LARP1B: variants seen among roughly 807,000 people sequenced by gnomAD.
LARP1B encodes la-related protein 1B.
In LARP1B, 76 loss-of-function variants were observed where a neutral mutation model predicts 114.2. That is an observed-to-expected ratio of 0.67 (90% CI 0.55 to 0.81). The LOEUF (loss-of-function observed/expected upper bound fraction) is 0.81, where lower values mean the gene tolerates loss of function less well. LARP1B is among the 30% of genes least tolerant of loss of function. LARP1B has a pLI of 0.00. For synonymous variants in LARP1B, 345 were observed against 348.0 expected (o/e 0.99, Z 0.10); for missense variants, 1,014 against 1,075.8 (o/e 0.94, Z 0.80).
At position 128,061,857 on chromosome 4, in the gene LARP1B, C is replaced by T. The variant is rs1394756463; in HGVS notation, c.-78+456C>T. 4.1e-6 allele frequency: 4 copies of T among 985,068 alleles called. No individual in the cohort carries two copies. In the East Asian group the frequency reaches 4.5e-4, roughly 112 times the overall value. The allele number at this position is 985,068 out of a possible 1,614,324, so 61.0% of individuals were successfully genotyped here. A position where few individuals can be genotyped will look rare whatever the true frequency, so the allele number is the denominator to read the frequency against. On this transcript the variant is annotated intron_variant, in intron 1 of 19. Coordinates refer to ENST00000326639, the MANE Select transcript of LARP1B (RefSeq NM_018078.4). ...GCGGCGAGGGAGGAGAGGGCCGCGG[C>T]CGCCACTAGCGCTGGGGCGCGGGGA...
chr4:128,118,904 T>C (rs1344232269), intron 10 of LARP1B, among the ~76,000 whole-genome samples: 3 of 151,014 alleles, frequency 2.0e-5, no homozygotes, highest in African/African-American at 7.3e-5. Flanking sequence ...TGAGACAGAG[T>C]TTCGCTCTTG....
In LARP1B at chr4:128,107,148, G is replaced by C. The variant is rs1561239982; in HGVS notation, c.823G>C (p.Asp275His). 1 of 1,613,662 alleles carries C rather than the reference G, an allele frequency of 6.2e-7. No individual in the cohort carries two copies. The highest frequency in any genetic ancestry group is 8.5e-7 in the Non-Finnish European group (1 of 1,179,644). Residue 275 changes from aspartate (D) to histidine (H), a missense_variant, in exon 9 of 20, where the codon GAT becomes CAT. Transcript: ENST00000326639. Reference sequence around the variant, plus strand: ...CAATTTCTGTTAATAGGCACTGAAGGATAGCACAGAAGTAGAAATTGTGGA... The same window carrying C: ...CAATTTCTGTTAATAGGCACTGAAGCATAGCACAGAAGTAGAAATTGTGGA... ...NLNLILEALK[D>H]STEVEIVDEK...
At chr4:128,078,024 A>G (rs1328610588) in intron 4 of LARP1B, 62 bp downstream of exon 4, 3 of 1,139,034 alleles carry the variant, frequency 2.6e-6, no homozygotes, top group Non-Finnish European at 3.7e-6. Flanking sequence ...ATGAGGAATT[A>G]CATTTCATTA....
At chr4:128,119,803 A>G (rs1037127911) in intron 10 of LARP1B, among the ~76,000 whole-genome samples, 1 of 152,148 alleles carries the variant, frequency 6.6e-6, no homozygotes, top group Non-Finnish European at 1.5e-5. Context: ...TGATAGTAAT[A>G]CTTGTTTTCA....
chr4:128,182,526 AT>A (rs1355016369), intron 15 of LARP1B, among the ~76,000 whole-genome samples: 4 of 152,112 alleles, frequency 2.6e-5, no homozygotes, highest in Admixed American at 2.0e-4. Context: ...TAAATATTGT[AT>A]GTTTTCTGGC....
At chr4:128,098,135 ATATT>A (rs760286936) in intron 7 of LARP1B, 47 bp from the exon 8 acceptor site, 2 of 1,403,468 alleles carry the variant, frequency 1.4e-6, no homozygotes, top group Non-Finnish European at 2.0e-6. Flanking sequence ...AGCAATAGAA[ATATT>A]TATTTCCTAC....
chr4:128,065,838 T>C (rs1045993460), intron 1 of LARP1B, among the ~76,000 whole-genome samples: 2 of 152,086 alleles, frequency 1.3e-5, no homozygotes, highest in Non-Finnish European at 1.5e-5. Context: ...TTTATTTAAA[T>C]AGGTAGATAG....
intron 7 of LARP1B, among the ~76,000 whole-genome samples, chr4:128,097,129 C>G (rs1778347027): frequency 6.6e-6 from 1 of 151,482 alleles, no homozygotes; most frequent in Non-Finnish European, 1.5e-5. Flanking sequence ...AACTCCTGAC[C>G]TCAAGCGATC....
chr4:128,100,478 T>TCAA (rs1326488322), intron 8 of LARP1B, among the ~76,000 whole-genome samples: 1 of 151,568 alleles, frequency 6.6e-6, no homozygotes, highest in East Asian at 2.0e-4. Flanking sequence ...TTCACCATGT[T>TCAA]GGCCAGGATG....
At chr4:128,101,789 G>A (rs1780427441) in intron 8 of LARP1B, among the ~76,000 whole-genome samples, 2 of 152,102 alleles carry the variant, frequency 1.3e-5, no homozygotes. Flanking sequence ...ATTAGAATGA[G>A]TTTATTAACT....
intron 5 of LARP1B, among the ~76,000 whole-genome samples, chr4:128,085,503 T>G (rs1050344210): frequency 3.3e-5 from 5 of 151,890 alleles, no homozygotes; most frequent in African/African-American, 1.2e-4. Context: ...GTAGCTATGA[T>G]GACAGGTGCG....
At chr4:128,222,704 CT>C (rs1358699779), downstream of LARP1B, 2 of 223,216 alleles carry the variant, frequency 9.0e-6, no homozygotes, top group African/African-American at 2.3e-5. Flanking sequence ...TTTTCCTCTA[CT>C]TGTGTTAAGA....
intron 9 of LARP1B, among the ~76,000 whole-genome samples, chr4:128,113,271 T>A (rs1784712776): frequency 6.6e-6 from 1 of 152,134 alleles, no homozygotes; most frequent in Admixed American, 6.6e-5. Context: ...TAACTTAAAA[T>A]ATTTAAATAT....
chr4:128,110,771 G>C (rs2149842023), intron 9 of LARP1B, among the ~76,000 whole-genome samples: 1 of 149,204 alleles, frequency 6.7e-6, no homozygotes, highest in East Asian at 2.0e-4. Flanking sequence ...TCTAAGAATT[G>C]TACGTTTTCT....
At chr4:128,184,586 A>G (rs1332264024) in intron 15 of LARP1B, among the ~76,000 whole-genome samples, 1 of 152,056 alleles carries the variant, frequency 6.6e-6, no homozygotes, top group Non-Finnish European at 1.5e-5. Flanking sequence ...TTTCTTTTTA[A>G]GATCTTTTTG....
In LARP1B at chr4:128,122,046, A is replaced by T; in HGVS notation, c.1382A>T (p.His461Leu). ...CAGACACCACCTTATGTGAAAAAAC[A>T]TCCTGGAGGAGATCGAACAGGCACC... ...VTQTPPYVKK[H>L]PGGDRTGTHM... The change falls in exon 11 of 20, where the codon CAT becomes CTT. Residue 461 changes from histidine to leucine, a missense_variant. His to Leu is a moderately conservative substitution (Grantham distance 99). Transcript: ENST00000326639. The T allele has an allele frequency of 1.2e-6, 2 of 1,614,096 alleles. No individual in the cohort carries two copies. The highest frequency in any genetic ancestry group is 3.3e-5 in the Admixed American group (2 of 60,016).
intron 8 of LARP1B, among the ~76,000 whole-genome samples, chr4:128,104,877 G>A (rs1413326432): frequency 6.6e-6 from 1 of 152,180 alleles, no homozygotes; most frequent in Non-Finnish European, 1.5e-5. Flanking sequence ...TGGGAAACTG[G>A]TGGGTAACAG....
chr4:128,135,311 G>T (rs79742355), intron 11 of LARP1B, among the ~76,000 whole-genome samples: 4,043 of 152,032 alleles, frequency 0.027, 166 homozygotes, highest in African/African-American at 0.093. Flanking sequence ...AGACCCTTGC[G>T]AACTCTCATG....
intron 12 of LARP1B, among the ~76,000 whole-genome samples, chr4:128,166,028 A>G (rs566495333): frequency 6.6e-6 from 1 of 152,180 alleles, no homozygotes; most frequent in Non-Finnish European, 1.5e-5. Context: ...ATATGTATAG[A>G]CCAGACCTCC....
Sources: allele counts gnomAD v4.1 joint callset (sites outside exome capture counted in the v4.1 genomes callset), GRCh38; gene constraint gnomAD v4.1.1; transcripts MANE v1.5; gene names NCBI Gene and HGNC (gene_info 2026-07-23, HGNC 2026-07-21).